Variants in CELF5 observed in about 807,000 individuals in gnomAD.
CELF5 encodes CUG-BP and ETR-3 like factor 5.
Under a neutral mutation model 54.9 loss-of-function variants are expected in CELF5, and 6 were observed. That is an observed-to-expected ratio of 0.11 (90% CI 0.06 to 0.22). The LOEUF (loss-of-function observed/expected upper bound fraction) is 0.22. Ranked by LOEUF, CELF5 falls within the 10% of genes least tolerant of loss-of-function variation. The pLI, the probability that CELF5 is intolerant of heterozygous loss-of-function variation, is 1.00. For missense variants in CELF5, 401 were observed against 678.6 expected, an observed-to-expected ratio of 0.59 and a Z score of 4.54; for synonymous variants, 271 against 290.9, an observed-to-expected ratio of 0.93 and a Z score of 0.70.
At chr19:3,265,108 C>G (rs1036583427) in intron 2 of CELF5, among the ~76,000 whole-genome samples, 2 of 152,100 alleles carry the variant, frequency 1.3e-5, no homozygotes, top group African/African-American at 4.8e-5. Flanking sequence ...AGGCCAAGAC[C>G]AGAGGATTGC....
chr19:3,279,853 C>T (rs949119940), intron 5 of CELF5, among the ~76,000 whole-genome samples: 3 of 152,186 alleles, frequency 2.0e-5, no homozygotes, highest in Non-Finnish European at 2.9e-5. Context: ...CAGGCACGCG[C>T]CACCACACCT....
intron 12 of CELF5, chr19:3,294,321 C>T (rs1168020520): frequency 6.6e-6 from 1 of 152,126 alleles, no homozygotes; most frequent in East Asian, 1.9e-4. Flanking sequence ...ACGGCGGAAA[C>T]GGTCCACCTA....
At chr19:3,255,740 T>G (rs967386951) in intron 2 of CELF5, among the ~76,000 whole-genome samples, 1 of 152,088 alleles carries the variant, frequency 6.6e-6, no homozygotes, top group Non-Finnish European at 1.5e-5. Context: ...TAACACTTTC[T>G]CCACCTAACA....
chr19:3,293,825 G>T (rs1281235360), intron 12 of CELF5: 2 of 222,600 alleles, frequency 9.0e-6, no homozygotes, highest in East Asian at 2.2e-4. Context: ...GGTGCGGTGG[G>T]GAGGGGGTTC....
Position 3,238,026 on chromosome 19 carries a change from G to A in CELF5, c.260-12959G>A, listed in dbSNP as rs556266150. Among the ~76,000 whole-genome samples, 144 of 151,150 alleles carry A rather than the reference G, an allele frequency of 9.5e-4. 8 individuals are homozygous for A. The South Asian group carries it at 0.029, about 31-fold the overall frequency. On this transcript the variant is annotated intron_variant, in intron 1 of 12. Transcript: ENST00000292672. The stretch of plus-strand genomic sequence containing the variant: ...ATCACGCCACTGCACTCCAGCCTGG[G>A]TGAAAGAGAGAGGCTCTGTCTCAAA...
At chr19:3,250,888 C>A (rs898821629) in intron 1 of CELF5, 97 bp from the exon 2 acceptor site, 3 of 567,376 alleles carry the variant, frequency 5.3e-6, no homozygotes, top group South Asian at 3.3e-5. Context: ...TGGATGGAAG[C>A]TTGGGTTGCT....
At chr19:3,247,727 G>A (rs910732516) in intron 1 of CELF5, among the ~76,000 whole-genome samples, 4 of 151,852 alleles carry the variant, frequency 2.6e-5, no homozygotes, top group African/African-American at 7.3e-5. Flanking sequence ...AATGTTTATT[G>A]TGGTGATATA....
chr19:3,292,235 C>T (rs2080362852), intron 11 of CELF5, among the ~76,000 whole-genome samples: 1 of 151,820 alleles, frequency 6.6e-6, no homozygotes, highest in Admixed American at 6.6e-5. Flanking sequence ...ACGTGAACCA[C>T]CACACCCGGC....
In CELF5 at chr19:3,275,626, G is replaced by A. The variant is rs370685415; in HGVS notation, c.395-230G>A. Reference sequence around the variant, plus strand: ...GCATTCCAGGCGGGGGCGCCACCTGGGCAAAGGCCGGGAGATGGGAGCGTG... The same window carrying A: ...GCATTCCAGGCGGGGGCGCCACCTGAGCAAAGGCCGGGAGATGGGAGCGTG... On this transcript the variant is annotated intron_variant, in intron 3 of 12. Coordinates refer to ENST00000292672, the MANE Select transcript of CELF5 (RefSeq NM_021938.4). The surrounding 1 kb of genome is among the most constrained non-coding windows in gnomAD (Gnocchi z 6.7). 4.1e-3 allele frequency among the ~76,000 whole-genome samples: 621 copies of A among 152,334 alleles called. 4 individuals are homozygous for A. Among genetic ancestry groups the A allele is most frequent in the African/African-American group, 0.014 (564 of 41,578 alleles).
chr19:3,295,843 A>AGG (rs148152865), intron 12 of CELF5: 5,215 of 147,994 alleles, frequency 0.035, 145 homozygotes, highest in African/African-American at 0.093. Flanking sequence ...TTTCCGTCGG[A>AGG]GGGGGGGGGC....
At chr19:3,250,880 G>GCCGCCGTATCATTAAA in intron 1 of CELF5, 105 bp from the exon 2 acceptor site, 1 of 717,660 alleles carries the variant, frequency 1.4e-6, no homozygotes, top group Non-Finnish European at 2.5e-6. Flanking sequence ...TGCATCTGTG[G>GCCGCCGTATCATTAAA]ATGGAAGCTT....
intron 1 of CELF5, among the ~76,000 whole-genome samples, chr19:3,248,859 TTC>T (rs2079604488): frequency 4.1e-5 from 3 of 72,434 alleles, no homozygotes; most frequent in Admixed American, 3.5e-4. Flanking sequence ...TCTTTCTTCC[TTC>T]CTTCCTTCCT....
At position 3,293,466 on chromosome 19, in the gene CELF5, G is replaced by T; in HGVS notation, c.*20G>T. ...TACTGACCGCGCCCACAGCCGCCCT[G>T]AGGCTGTAGGCATGGCCCAGGTGAG... is the stretch of plus-strand genomic sequence containing the variant. On this transcript the variant is annotated 3_prime_UTR_variant, in exon 12 of 13. Transcript: ENST00000292672. 6.2e-7 allele frequency: 1 copy of T among 1,613,316 alleles called. No individual in the cohort carries two copies. Among genetic ancestry groups the T allele is most frequent in the Middle Eastern group, 1.7e-4 (1 of 6,060 alleles).
intron 2 of CELF5, among the ~76,000 whole-genome samples, chr19:3,264,637 C>T (rs888018841): frequency 4.0e-5 from 6 of 151,562 alleles, no homozygotes; most frequent in African/African-American, 1.5e-4. Flanking sequence ...AGGATGGTCT[C>T]GAGCTCCTGA....
At chr19:3,279,908 G>C (rs2080119337) in intron 5 of CELF5, among the ~76,000 whole-genome samples, 1 of 152,100 alleles carries the variant, frequency 6.6e-6, no homozygotes, top group African/African-American at 2.4e-5. Context: ...TCACCATGTT[G>C]GTCAGGCTGA....
At chr19:3,226,421 C>A (rs925828460) in intron 1 of CELF5, among the ~76,000 whole-genome samples, 32 of 134,892 alleles carry the variant, frequency 2.4e-4, no homozygotes, top group Non-Finnish European at 4.8e-4. Flanking sequence ...CATTCCCCAT[C>A]TCTTTTCAAA....
chr19:3,250,748 C>T (rs970076040), intron 1 of CELF5, among the ~76,000 whole-genome samples: 1 of 152,194 alleles, frequency 6.6e-6, no homozygotes, highest in Non-Finnish European at 1.5e-5. Flanking sequence ...CTGTGTCTGG[C>T]TTATTTCACT....
At chr19:3,252,924 C>T (rs2079670911) in intron 2 of CELF5, among the ~76,000 whole-genome samples, 1 of 151,862 alleles carries the variant, frequency 6.6e-6, no homozygotes, top group African/African-American at 2.4e-5. Flanking sequence ...GAGGGCTTCA[C>T]TGAGGATGTG....
At position 3,281,659 on chromosome 19, in the gene CELF5, A is replaced by C. The variant is rs2080154607; in HGVS notation, c.750+314A>C. Among the ~76,000 whole-genome samples, 1 of 152,122 alleles carries C rather than the reference A, an allele frequency of 6.6e-6. No homozygotes were observed. Among genetic ancestry groups the C allele is most frequent in the South Asian group, 2.1e-4 (1 of 4,826 alleles). On this transcript the variant is annotated intron_variant, in intron 6 of 12. Transcript: ENST00000292672. The surrounding 1 kb of genome is among the most constrained non-coding windows in gnomAD (Gnocchi z 6.5). The stretch of plus-strand genomic sequence containing the variant: ...TCCCAAACTGAGACCTGACCTGATC[A>C]AGCTCCACCCTGGCTGAGACCTGAT...
Sources: gnomAD v4.1 joint callset for allele counts (sites outside exome capture counted in the v4.1 genomes callset) on GRCh38, gnomAD v4.1.1 for gene constraint, Gnocchi (gnomAD v3.1) non-coding constraint, MANE v1.5 for transcripts, NCBI Gene and HGNC (gene_info 2026-07-23, HGNC 2026-07-21) for gene names.